The following DIDO1 variants were observed in gnomAD, a reference collection of about 807,000 sequenced individuals.
DIDO1 encodes the protein death inducer-obliterator 1.
In DIDO1, 16 loss-of-function variants were observed where a neutral mutation model predicts 99.4. The observed-to-expected ratio is 0.16, with a 90% CI of 0.11 to 0.24. The LOEUF is 0.24. DIDO1 is among the 10% of genes least tolerant of loss of function. The pLI, the probability that DIDO1 is intolerant of heterozygous loss-of-function variation, is 1.00. For missense variants in DIDO1, 2,996 were observed against 3,014.0 expected, an observed-to-expected ratio of 0.99 and a Z score of 0.14; for synonymous variants, 1,366 against 1,239.1, an observed-to-expected ratio of 1.10 and a Z score of -2.15.
intron 1 of DIDO1, 73 bp from the exon 2 acceptor site, chr20:62,914,479 C>T (rs575464187): frequency 7.9e-5 from 12 of 152,148 alleles, no homozygotes; most frequent in Non-Finnish European, 1.3e-4. Context: ...AAGGGAGTAC[C>T]GAACTTCTCA....
intron 15 of DIDO1, chr20:62,888,471 C>T: frequency 1.0e-6 from 1 of 985,510 alleles, no homozygotes; most frequent in Non-Finnish European, 1.2e-6. Context: ...TGCAGACCCT[C>T]ACCCAGCACT....
intron 8 of DIDO1, among the ~76,000 whole-genome samples, 159 bp from the exon 9 acceptor site, chr20:62,895,324 G>A (rs886841562): frequency 6.6e-6 from 1 of 152,226 alleles, no homozygotes; most frequent in Non-Finnish European, 1.5e-5. Context: ...TCCCTGCAGG[G>A]TGTGACCTAA....
At position 62,906,217 on chromosome 20, in the gene DIDO1, T is replaced by C. The variant is rs978636305; in HGVS notation, c.1375-117A>G. The C allele has an allele frequency of 1.4e-5, 19 of 1,340,234 alleles. No individual in the cohort carries two copies. In the African/African-American group the frequency reaches 1.8e-4, roughly 12 times the overall value. 83.0% of individuals were successfully genotyped at this position (1,340,234 alleles called of 1,614,324 possible). Reference sequence around the variant, plus strand: ...TCTTCCTGAGGCCATCTGAAGACCCTGCACCCATCCTGCGCCTGCTTGGCA... The same window carrying C: ...TCTTCCTGAGGCCATCTGAAGACCCCGCACCCATCCTGCGCCTGCTTGGCA... On this transcript the variant is annotated intron_variant, in intron 5 of 15. Transcript: ENST00000395343.
chr20:62,911,249 T>G lies in DIDO1; in HGVS notation c.364A>C (p.Arg122=), dbSNP rs1174412122. The G allele has an allele frequency of 6.2e-7, 1 of 1,613,356 alleles. No homozygotes were observed. Among genetic ancestry groups the G allele is most frequent in the Admixed American group, 1.7e-5 (1 of 60,030 alleles). The change falls in exon 3 of 16, where the codon AGA becomes CGA. Residue 122 remains arginine, a synonymous_variant. Coordinates refer to ENST00000395343, the MANE Select transcript of DIDO1 (RefSeq NM_001193369.2). The surrounding 1 kb of genome is among the most constrained non-coding windows in gnomAD (Gnocchi z 7.0). ...GTGGAAGCAGACTGGGGGCCGCTTC[T>G]GGTCTCAGAAGCGCTTTCCACGCTG... The part of the protein sequence containing the change: ...EGSVESASET[R]SGPQSASTAV...
intron 15 of DIDO1, chr20:62,888,534 T>G: frequency 1.0e-6 from 1 of 985,488 alleles, no homozygotes; most frequent in Non-Finnish European, 1.2e-6. Flanking sequence ...TGACCACAGC[T>G]CTGTGGAGTC....
intron 15 of DIDO1, among the ~76,000 whole-genome samples, chr20:62,883,176 G>A (rs539140090): frequency 1.8e-4 from 28 of 151,690 alleles, no homozygotes; most frequent in African/African-American, 4.8e-5. Flanking sequence ...CACCTGCCTC[G>A]GCCTCCCAAA....
intron 13 of DIDO1, 102 bp downstream of exon 13, chr20:62,892,707 T>G: frequency 7.0e-7 from 1 of 1,420,900 alleles, no homozygotes; most frequent in Non-Finnish European, 9.4e-7. Context: ...TTTCTGTTTC[T>G]CTCCTACCTC....
intron 15 of DIDO1, among the ~76,000 whole-genome samples, 176 bp from the exon 16 acceptor site, chr20:62,882,590 A>AGGAACGCACTGCCCCG (rs1555837502): frequency 4.6e-5 from 7 of 150,790 alleles, no homozygotes; most frequent in Admixed American, 1.3e-4. Flanking sequence ...ATTCCGCCCC[A>AGGAACGCACTGCCCCG]GGAACGCACC....
intron 6 of DIDO1, among the ~76,000 whole-genome samples, chr20:62,902,746 C>G (rs1239587175): frequency 6.6e-6 from 1 of 152,348 alleles, no homozygotes; most frequent in Admixed American, 6.5e-5. Flanking sequence ...GGGCACCATG[C>G]TTAACACAGC....
intron 1 of DIDO1, among the ~76,000 whole-genome samples, chr20:62,919,927 A>T (rs1273200632): frequency 1.3e-5 from 2 of 152,226 alleles, no homozygotes; most frequent in African/African-American, 4.8e-5. Flanking sequence ...GGTGAAGGAG[A>T]AGTGAGGTTT....
chr20:62,884,239 G>GT (rs2064262076), intron 15 of DIDO1, among the ~76,000 whole-genome samples: 1 of 152,082 alleles, frequency 6.6e-6, no homozygotes. Flanking sequence ...TCCCAACGTC[G>GT]TAAGTTGTGG....
chr20:62,894,486 G>A lies in DIDO1; in HGVS notation c.2499C>T (p.Phe833=), dbSNP rs1285253704. The change falls in exon 11 of 16, where the codon TTC becomes TTT. Residue 833 remains phenylalanine (F), a synonymous_variant. Coordinates refer to ENST00000395343, the MANE Select transcript of DIDO1 (RefSeq NM_001193369.2). This position sits in a 1 kb window ranked among gnomAD's most constrained non-coding sequence, Gnocchi z 4.4. ...EKSTAPLLDV[F]SSMLKDTTSQ... is the part of the protein sequence containing the mutation. ...TGGTGGTGTCTTTCAACATGCTGCT[G>A]AAGACGTCGAGAAGCGGCGCTGTGC... The A allele has an allele frequency of 6.2e-7, 1 of 1,613,536 alleles. No homozygotes were observed. Among genetic ancestry groups the A allele is most frequent in the Non-Finnish European group, 8.5e-7 (1 of 1,180,024 alleles).
At chr20:62,918,806 C>A (rs1245410353) in intron 1 of DIDO1, among the ~76,000 whole-genome samples, 1 of 148,866 alleles carries the variant, frequency 6.7e-6, no homozygotes, top group East Asian at 2.0e-4. Flanking sequence ...TATTAAGGGT[C>A]TCCTGGCTCA....
intron 15 of DIDO1, chr20:62,889,242 G>A (rs907884847): frequency 7.0e-5 from 69 of 985,434 alleles, no homozygotes; most frequent in Non-Finnish European, 8.2e-5. Flanking sequence ...GGCTGCACCT[G>A]CACAGCCAGC....
chr20:62,886,209 C>T (rs565863439), intron 15 of DIDO1, among the ~76,000 whole-genome samples: 8 of 152,364 alleles, frequency 5.3e-5, no homozygotes, highest in Non-Finnish European at 1.0e-4. Context: ...GGCCTGGAGA[C>T]GCCAGCTGCG....
rs370744169 is a variant in DIDO1, at chr20:62,882,347, T to G, written c.3609A>C (p.Ala1203=). Residue 1203 remains alanine (A), a synonymous_variant, in exon 16 of 16, where the codon GCA becomes GCC. Transcript: ENST00000395343. ...CCATCTTGTCTAACTCTCCACTGTT[T>G]GCGGGACGTTTGATTTTTTGGCAGA... ...LVICQKIKRP[A]NSGELDKMDE... 6.2e-7 allele frequency: 1 copy of G among 1,614,042 alleles called. No individual in the cohort carries two copies. Among genetic ancestry groups the G allele is most frequent in the Non-Finnish European group, 8.5e-7 (1 of 1,180,030 alleles).
At chr20:62,903,421 C>T (rs892764605) in intron 6 of DIDO1, among the ~76,000 whole-genome samples, 1 of 152,184 alleles carries the variant, frequency 6.6e-6, no homozygotes, top group African/African-American at 2.4e-5. Flanking sequence ...TGTGAGTCAG[C>T]TCATGGGACA....
chr20:62,903,956 G>A (rs896896048), intron 6 of DIDO1, among the ~76,000 whole-genome samples: 2 of 152,182 alleles, frequency 1.3e-5, no homozygotes, highest in African/African-American at 4.8e-5. Context: ...CAGGCAGGAA[G>A]CAATAACCCA....
At chr20:62,912,545 A>G (rs936061820) in intron 2 of DIDO1, among the ~76,000 whole-genome samples, 2 of 151,240 alleles carry the variant, frequency 1.3e-5, no homozygotes, top group African/African-American at 4.9e-5. Flanking sequence ...CTAATACATT[A>G]CTAAAGAATC....
Sources: gnomAD v4.1 joint callset for allele counts (sites outside exome capture counted in the v4.1 genomes callset) on GRCh38, gnomAD v4.1.1 for gene constraint, Gnocchi (gnomAD v3.1) non-coding constraint, MANE v1.5 for transcripts, NCBI Gene and HGNC (gene_info 2026-07-23, HGNC 2026-07-21) for gene names.